DNAAF10: variants seen among roughly 807,000 people sequenced by gnomAD.
The protein encoded by DNAAF10 is dynein axonemal assembly factor 10.
Under a neutral mutation model 43.7 loss-of-function variants are expected in DNAAF10, and 28 were observed. The observed-to-expected ratio is 0.64, with a 90% CI of 0.48 to 0.88. The LOEUF (loss-of-function observed/expected upper bound fraction) is 0.88, where lower values mean the gene tolerates loss of function less well. Ranked by LOEUF, DNAAF10 falls within the 40% of genes least tolerant of loss-of-function variation. The pLI, the probability that DNAAF10 is intolerant of heterozygous loss-of-function variation, is 0.00. For missense variants in DNAAF10, 403 were observed against 439.1 expected, an observed-to-expected ratio of 0.92 and a Z score of 0.73; for synonymous variants, 156 against 157.3, an observed-to-expected ratio of 0.99 and a Z score of 0.06.
At chr2:68,134,613 CAGGAAAAAA>C in intron 7 of DNAAF10, 80 bp downstream of exon 7, 1 of 1,562,166 alleles carries the variant, frequency 6.4e-7, no homozygotes, top group Non-Finnish European at 8.6e-7. Flanking sequence ...TAAGTCAAAG[CAGGAAAAAA>C]AAGAAAAAAA....
chr2:68,149,942 A>G (rs12713628), intron 1 of DNAAF10, among the ~76,000 whole-genome samples: 49,811 of 152,078 alleles, frequency 0.33, 9,938 homozygotes, highest in African/African-American at 0.56. Context: ...AGAAGCTGTG[A>G]AGAACTTGCA....
At chr2:68,145,219 GAA>G (rs1049611275) in intron 2 of DNAAF10, among the ~76,000 whole-genome samples, 1 of 120,536 alleles carries the variant, frequency 8.3e-6, no homozygotes. Context: ...CCCTGTTTCA[GAA>G]AAAAAAAAAA....
intron 2 of DNAAF10, among the ~76,000 whole-genome samples, chr2:68,145,634 G>A (rs1007292834): frequency 2.0e-5 from 3 of 152,096 alleles, no homozygotes; most frequent in African/African-American, 7.2e-5. Flanking sequence ...ATATTTTTCA[G>A]TGTGTCATCA....
chr2:68,138,161 C>A (rs1673091287), intron 5 of DNAAF10, among the ~76,000 whole-genome samples: 3 of 151,724 alleles, frequency 2.0e-5, no homozygotes, highest in Admixed American at 1.3e-4. Context: ...GGCGACAGAG[C>A]AAGACTCCAT....
chr2:68,139,549 A>G (rs1323121750), intron 4 of DNAAF10, among the ~76,000 whole-genome samples: 1 of 151,978 alleles, frequency 6.6e-6, no homozygotes, highest in East Asian at 1.9e-4. Flanking sequence ...TGTTTATTGA[A>G]TTCAATTTAA....
intron 4 of DNAAF10, among the ~76,000 whole-genome samples, chr2:68,139,691 C>T (rs1413992997): frequency 2.0e-5 from 3 of 150,576 alleles, no homozygotes; most frequent in African/African-American, 7.3e-5. Context: ...GTAGTCCCAG[C>T]TACTCGGGAG....
At position 68,130,308 on chromosome 2, in the gene DNAAF10, T is replaced by C. The variant is rs911755103; in HGVS notation, c.*930A>G. ...ACTAAGCCCAGCTAATTTTTTGTAT[T>C]TTTAGTAGAGACGGGTTTTGACCAT... is the stretch of plus-strand genomic sequence containing the variant. On this transcript the variant is annotated 3_prime_UTR_variant, in exon 8 of 8. Transcript: ENST00000295121. The C allele has an allele frequency of 1.3e-5, 2 of 151,680 alleles. No homozygotes were observed. Among genetic ancestry groups the C allele is most frequent in the Non-Finnish European group, 2.9e-5 (2 of 67,920 alleles). The allele number at this position is 151,680 out of a possible 1,614,324, so 9.4% of individuals were successfully genotyped here. A position where few individuals can be genotyped will look rare whatever the true frequency, so the allele number is the denominator to read the frequency against.
chr2:68,143,009 C>A (rs1452182045), intron 3 of DNAAF10, among the ~76,000 whole-genome samples: 1 of 152,052 alleles, frequency 6.6e-6, no homozygotes, highest in African/African-American at 2.4e-5. Context: ...ACCTCAGCCT[C>A]CCAAGTAGCT....
chr2:68,143,710 A>C (rs1673247251), intron 3 of DNAAF10, among the ~76,000 whole-genome samples: 1 of 152,204 alleles, frequency 6.6e-6, no homozygotes. Flanking sequence ...ACATTAAATA[A>C]AAAAAGTTTC....
intron 1 of DNAAF10, among the ~76,000 whole-genome samples, chr2:68,150,259 T>G (rs1462135681): frequency 6.6e-6 from 1 of 152,236 alleles, no homozygotes; most frequent in Non-Finnish European, 1.5e-5. Flanking sequence ...CCCTTTAGAC[T>G]AGAGAATCTC....
At chr2:68,157,094 G>A (rs1364426048) in intron 1 of DNAAF10, 167 bp downstream of exon 1, 16 of 971,340 alleles carry the variant, frequency 1.6e-5, no homozygotes, top group Non-Finnish European at 2.2e-5. Flanking sequence ...GAGAAGAAAG[G>A]TTTTAAATAG....
chr2:68,147,322 T>C (rs1233811812), intron 2 of DNAAF10, 145 bp downstream of exon 2: 2 of 584,224 alleles, frequency 3.4e-6, no homozygotes, highest in East Asian at 3.2e-5. Flanking sequence ...GAAATATATA[T>C]TAGAGACAAT....
chr2:68,150,384 T>A (rs1053291439), intron 1 of DNAAF10, among the ~76,000 whole-genome samples: 3 of 152,222 alleles, frequency 2.0e-5, no homozygotes, highest in Non-Finnish European at 2.9e-5. Context: ...AAAGTTTTTT[T>A]AAAAATAATT....
rs1553397043 is a variant in DNAAF10, at chr2:68,130,131, T to TATATATATATATATATATATATATATATA, written c.*1106_*1107insTATATATATATATATATATATATATATAT. 3 of 131,374 alleles carry TATATATATATATATATATATATATATATA rather than the reference T, an allele frequency of 2.3e-5. No individual in the cohort carries two copies. Among genetic ancestry groups the TATATATATATATATATATATATATATATA allele is most frequent in the African/African-American group, 8.7e-5 (3 of 34,322 alleles). 8.1% of individuals were successfully genotyped at this position (131,374 alleles called of 1,614,324 possible). On this transcript the variant is annotated 3_prime_UTR_variant, in exon 8 of 8. Transcript: ENST00000295121. ...AGAGAGAGAGATATATATATATATA[T>TATATATATATATATATATATATATATATA]TTGTTTTTTTTTTTTTTGAGACGGA...
chr2:68,146,833 A>C (rs1673327772), intron 2 of DNAAF10, among the ~76,000 whole-genome samples: 1 of 152,172 alleles, frequency 6.6e-6, no homozygotes, highest in Admixed American at 6.5e-5. Context: ...TCTCCATAAT[A>C]TTTTAGAACA....
chr2:68,151,948 G>T (rs1259630302), intron 1 of DNAAF10, among the ~76,000 whole-genome samples: 1 of 152,192 alleles, frequency 6.6e-6, no homozygotes, highest in Non-Finnish European at 1.5e-5. Context: ...AAGGTCCCAA[G>T]AGCCAGATAC....
At chr2:68,133,216 G>A (rs1672960710) in intron 7 of DNAAF10, among the ~76,000 whole-genome samples, 1 of 152,098 alleles carries the variant, frequency 6.6e-6, no homozygotes, top group South Asian at 2.1e-4. Context: ...AAACCATATT[G>A]GTTGTTTGTT....
At chr2:68,157,044 G>A (rs1468336027) in intron 1 of DNAAF10, 5 of 661,744 alleles carry the variant, frequency 7.6e-6, no homozygotes, top group Non-Finnish European at 1.3e-5. Flanking sequence ...TGCACTGGGG[G>A]TGGCAGGACG....
intron 4 of DNAAF10, among the ~76,000 whole-genome samples, chr2:68,140,676 C>T (rs527734654): frequency 6.6e-6 from 1 of 152,132 alleles, no homozygotes; most frequent in Non-Finnish European, 1.5e-5. Flanking sequence ...CAAACACCAT[C>T]AAAAACTTAG....
Sources: allele counts gnomAD v4.1 joint callset (sites outside exome capture counted in the v4.1 genomes callset), GRCh38; gene constraint gnomAD v4.1.1; transcripts MANE v1.5; gene names NCBI Gene and HGNC (gene_info 2026-07-23, HGNC 2026-07-21).